The following CTNND2 variants were observed in gnomAD, a reference collection of about 807,000 sequenced individuals.
CTNND2 encodes the protein catenin delta-2.
CTNND2 carries 22 observed loss-of-function variants against 144.4 expected under a neutral mutation model. The ratio of observed to expected loss-of-function variants is 0.15; its 90% CI spans 0.11 to 0.22. The LOEUF (loss-of-function observed/expected upper bound fraction) is 0.22. Ranked by LOEUF, CTNND2 falls within the 10% of genes least tolerant of loss-of-function variation. CTNND2 has a pLI of 1.00. For synonymous variants in CTNND2, 751 were observed against 695.6 expected (o/e 1.08, Z -1.25); for missense variants, 1,353 against 1,618.8 (o/e 0.84, Z 2.82).
At chr5:11,057,803 A>C (rs1746498087) in intron 16 of CTNND2, among the ~76,000 whole-genome samples, 1 of 152,156 alleles carries the variant, frequency 6.6e-6, no homozygotes, top group African/African-American at 2.4e-5. Flanking sequence ...TGCCCACAAT[A>C]ATGACAGTGA....
At chr5:11,625,099 C>T (rs1781082740) in intron 2 of CTNND2, among the ~76,000 whole-genome samples, 1 of 151,974 alleles carries the variant, frequency 6.6e-6, no homozygotes, top group Admixed American at 6.6e-5. Flanking sequence ...ACTGTCAGAG[C>T]ACAATAGCAG....
At chr5:11,672,798 G>C (rs1325938795) in intron 2 of CTNND2, among the ~76,000 whole-genome samples, 2 of 152,032 alleles carry the variant, frequency 1.3e-5, no homozygotes, top group Non-Finnish European at 2.9e-5. Context: ...GGCAGTATCT[G>C]GGCCAGAGTG....
intron 20 of CTNND2, among the ~76,000 whole-genome samples, chr5:10,982,334 G>A (rs906548189): frequency 2.0e-5 from 3 of 152,210 alleles, no homozygotes; most frequent in Non-Finnish European, 2.9e-5. Flanking sequence ...AGGGGGCATC[G>A]CCTGCATGTC....
chr5:11,322,709 T>C lies in CTNND2; in HGVS notation c.1628+23663A>G, dbSNP rs532365510. ...GAGATACTATAAAATGTGCACAGTA[T>C]AGAACAAAATATATTTGTCAAAGTC... On this transcript the variant is annotated intron_variant, in intron 9 of 21. Coordinates refer to ENST00000304623, the MANE Select transcript of CTNND2 (RefSeq NM_001332.4). Among the ~76,000 whole-genome samples, 3 of 152,312 alleles carry C rather than the reference T, an allele frequency of 2.0e-5. No individual in the cohort carries two copies. The South Asian group carries it at 6.2e-4, about 32-fold the overall frequency.
chr5:11,501,338 G>C (rs1213222861), intron 3 of CTNND2, among the ~76,000 whole-genome samples: 1 of 152,172 alleles, frequency 6.6e-6, no homozygotes, highest in African/African-American at 2.4e-5. Context: ...CTCCAGATAT[G>C]ATCCCTACTC....
chr5:11,115,605 C>CT (rs1333134071), intron 13 of CTNND2, among the ~76,000 whole-genome samples: 1 of 152,212 alleles, frequency 6.6e-6, no homozygotes, highest in Non-Finnish European at 1.5e-5. Context: ...GTCGATGATA[C>CT]TAAATGGTCT....
chr5:11,750,424 C>G (rs1429773927), intron 1 of CTNND2, among the ~76,000 whole-genome samples: 1 of 151,900 alleles, frequency 6.6e-6, no homozygotes, highest in Admixed American at 6.6e-5. Context: ...ATTAACTAGA[C>G]TGCTTGGATT....
intron 5 of CTNND2, among the ~76,000 whole-genome samples, chr5:11,405,019 T>C (rs1760980108): frequency 6.6e-6 from 1 of 152,230 alleles, no homozygotes; most frequent in Admixed American, 6.5e-5. Flanking sequence ...CTGCTTATTC[T>C]AAGGCTTTCT....
At chr5:11,398,748 G>A (rs1760366351) in intron 5 of CTNND2, among the ~76,000 whole-genome samples, 1 of 152,042 alleles carries the variant, frequency 6.6e-6, no homozygotes, top group Non-Finnish European at 1.5e-5. Flanking sequence ...CCAATAGCCT[G>A]GAAAAAAAAT....
chr5:11,651,415 G>A (rs1342426005), intron 2 of CTNND2, among the ~76,000 whole-genome samples: 2 of 152,242 alleles, frequency 1.3e-5, no homozygotes, highest in African/African-American at 4.8e-5. Context: ...AGCCATCATA[G>A]AGAACTTCTA....
chr5:11,141,776 T>A (rs1412801787), intron 12 of CTNND2, among the ~76,000 whole-genome samples: 1 of 152,210 alleles, frequency 6.6e-6, no homozygotes, highest in East Asian at 1.9e-4. Context: ...TGAATATGAA[T>A]GGCTGCTTGT....
intron 3 of CTNND2, among the ~76,000 whole-genome samples, chr5:11,450,534 C>T (rs1299341646): frequency 6.6e-6 from 1 of 152,222 alleles, no homozygotes; most frequent in Non-Finnish European, 1.5e-5. Context: ...GCACAGCACG[C>T]TTCTTTGCAG....
chr5:11,451,307 A>G (rs933783383), intron 3 of CTNND2, among the ~76,000 whole-genome samples: 2 of 152,150 alleles, frequency 1.3e-5, no homozygotes, highest in Non-Finnish European at 2.9e-5. Context: ...CATTACCCCA[A>G]CATTACCCTA....
At chr5:11,584,260 G>C (rs1778655146) in intron 2 of CTNND2, among the ~76,000 whole-genome samples, 1 of 152,120 alleles carries the variant, frequency 6.6e-6, no homozygotes, top group Admixed American at 6.6e-5. Flanking sequence ...CTCCTTGTAG[G>C]AACACGTATG....
chr5:11,203,415 T>A (rs1162834334), intron 10 of CTNND2, among the ~76,000 whole-genome samples: 1 of 152,144 alleles, frequency 6.6e-6, no homozygotes, highest in East Asian at 1.9e-4. Context: ...ACTTTAATCA[T>A]CTTCATGCAA....
intron 2 of CTNND2, among the ~76,000 whole-genome samples, chr5:11,646,356 G>A (rs1174260092): frequency 2.6e-5 from 4 of 152,134 alleles, no homozygotes; most frequent in Admixed American, 6.5e-5. Context: ...TTAAGGAGTT[G>A]CCCAAAGTCA....
chr5:11,265,071 T>C (rs1301871999), intron 9 of CTNND2, among the ~76,000 whole-genome samples: 1 of 152,180 alleles, frequency 6.6e-6, no homozygotes, highest in Non-Finnish European at 1.5e-5. Context: ...ATTATATATT[T>C]TAGAACTATA....
chr5:11,432,121 CTTTTTTT>C (rs5865940), intron 3 of CTNND2, among the ~76,000 whole-genome samples: 1 of 78,384 alleles, frequency 1.3e-5, no homozygotes, highest in African/African-American at 4.2e-5. Flanking sequence ...GAGGTTGAGG[CTTTTTTT>C]TTTTTTTTTT....
At chr5:11,130,591 G>A (rs573986936) in intron 12 of CTNND2, among the ~76,000 whole-genome samples, 2 of 152,332 alleles carry the variant, frequency 1.3e-5, no homozygotes, top group African/African-American at 4.8e-5. Flanking sequence ...GGGAAGAAAG[G>A]TGTGGATGCT....
Sources: gnomAD v4.1 joint callset for allele counts (sites outside exome capture counted in the v4.1 genomes callset) on GRCh38, gnomAD v4.1.1 for gene constraint, MANE v1.5 for transcripts, NCBI Gene and HGNC (gene_info 2026-07-23, HGNC 2026-07-21) for gene names.